CILK1: variants seen among roughly 807,000 people sequenced by gnomAD.
CILK1 encodes the protein serine/threonine-protein kinase ICK.
CILK1 carries 47 observed loss-of-function variants against 79.2 expected under a neutral mutation model. The ratio of observed to expected loss-of-function variants is 0.59; its 90% CI spans 0.47 to 0.76. CILK1 has a LOEUF of 0.76. Among genes scored for constraint, CILK1 ranks in the 30% least tolerant of loss-of-function variants. The pLI is 0.00. For missense variants in CILK1, 660 were observed against 769.5 expected (o/e 0.86, Z 1.68); for synonymous variants, 266 against 275.9 (o/e 0.96, Z 0.36).
At chr6:53,026,512 T>C (rs754161123) in intron 5 of CILK1, among the ~76,000 whole-genome samples, 2 of 152,210 alleles carry the variant, frequency 1.3e-5, no homozygotes, top group Non-Finnish European at 2.9e-5. Context: ...TTAACAGTAC[T>C]ACTATTAACA....
chr6:53,008,086 C>G (rs895086159), intron 12 of CILK1, among the ~76,000 whole-genome samples: 2 of 151,460 alleles, frequency 1.3e-5, no homozygotes, highest in African/African-American at 4.8e-5. Flanking sequence ...TTTCTAATAG[C>G]AAAAATTGCA....
intron 5 of CILK1, among the ~76,000 whole-genome samples, chr6:53,020,627 G>GA (rs1765172864): frequency 6.6e-6 from 1 of 152,092 alleles, no homozygotes; most frequent in South Asian, 2.1e-4. Context: ...TCCAAAATCT[G>GA]AAAAAATCCA....
At chr6:53,006,292 G>T in intron 13 of CILK1, 23 bp downstream of exon 13, 1 of 1,609,312 alleles carries the variant, frequency 6.2e-7, no homozygotes, top group Non-Finnish European at 8.5e-7. Context: ...GTAAATTCAT[G>T]AATAATTTAA....
chr6:53,041,291 C>T lies in CILK1; in HGVS notation c.-55G>A. 1 of 1,204,450 alleles carries T rather than the reference C, an allele frequency of 8.3e-7. No individual in the cohort carries two copies. The highest frequency in any genetic ancestry group is 1.2e-6 in the Non-Finnish European group (1 of 813,332). The allele number at this position is 1,204,450 out of a possible 1,614,324, so 74.6% of individuals were successfully genotyped here. On this transcript the variant is annotated 5_prime_UTR_variant, in exon 2 of 14. Coordinates refer to ENST00000676107, the MANE Select transcript of CILK1 (RefSeq NM_014920.5). ...TCACGGCCGAAGTGGTTCAGTTCTG[C>T]AGTGGTAGCAGTCCTCCCCAGAGTG... is the stretch of plus-strand genomic sequence containing the variant.
chr6:53,050,135 G>A (rs1037267864), intron 1 of CILK1, among the ~76,000 whole-genome samples: 1 of 152,120 alleles, frequency 6.6e-6, no homozygotes, highest in African/African-American at 2.4e-5. Context: ...CATCTACAGA[G>A]TCAGTGCTTC....
At chr6:53,022,435 G>T (rs1172745716) in intron 5 of CILK1, among the ~76,000 whole-genome samples, 2 of 152,094 alleles carry the variant, frequency 1.3e-5, no homozygotes, top group Non-Finnish European at 2.9e-5. Context: ...ATTGCCTATA[G>T]TATTCAGTAC....
rs969714735 is a variant in CILK1 at position 53,011,305 on chromosome 6, G to A, written c.1492+464C>T. On this transcript the variant is annotated intron_variant, in intron 11 of 13. Transcript: ENST00000676107. ...TTGGGTGACTATAAAAGATAAAAAT[G>A]TGAGGCCTGGGCCCAGGCACGGTGG... 4.6e-5 allele frequency among the ~76,000 whole-genome samples: 7 copies of A among 152,128 alleles called. No individual in the cohort carries two copies. In the East Asian group the frequency reaches 1.2e-3, roughly 25 times the overall value.
chr6:53,050,378 A>G (rs980020964), intron 1 of CILK1, among the ~76,000 whole-genome samples: 3 of 151,962 alleles, frequency 2.0e-5, no homozygotes, highest in African/African-American at 7.2e-5. Flanking sequence ...AAAAAAAAGA[A>G]GCCAACTATT....
chr6:53,056,444 A>C (rs1186744169), intron 1 of CILK1, among the ~76,000 whole-genome samples: 1 of 152,210 alleles, frequency 6.6e-6, no homozygotes, highest in Non-Finnish European at 1.5e-5. Context: ...ATGTAAATAC[A>C]TGGGCATGGC....
chr6:53,015,433 T>G (rs1764835569), intron 8 of CILK1, among the ~76,000 whole-genome samples: 1 of 152,218 alleles, frequency 6.6e-6, no homozygotes, highest in African/African-American at 2.4e-5. Context: ...TCCGGTCAGT[T>G]GGTTGAATTG....
intron 6 of CILK1, among the ~76,000 whole-genome samples, chr6:53,018,754 A>G (rs1419841398): frequency 6.6e-6 from 1 of 152,238 alleles, no homozygotes; most frequent in East Asian, 1.9e-4. Context: ...AGAAACACAG[A>G]GAAAGTAAGA....
At chr6:53,049,560 T>C (rs1000338737) in intron 1 of CILK1, among the ~76,000 whole-genome samples, 2 of 152,210 alleles carry the variant, frequency 1.3e-5, no homozygotes, top group East Asian at 3.8e-4. Context: ...AATCCAGTCA[T>C]GTGCCTGTAA....
At chr6:53,016,745 T>G (rs535760503) in intron 7 of CILK1, among the ~76,000 whole-genome samples, 20 of 152,362 alleles carry the variant, frequency 1.3e-4, no homozygotes, top group African/African-American at 4.6e-4. Flanking sequence ...TCACCCAGTC[T>G]CAAGCTTTCC....
chr6:53,050,638 C>G (rs2127464215), intron 1 of CILK1, among the ~76,000 whole-genome samples: 1 of 152,082 alleles, frequency 6.6e-6, no homozygotes, highest in Admixed American at 6.5e-5. Flanking sequence ...CCAGCCTGGG[C>G]AACAGGGCAA....
At chr6:53,047,590 C>T (rs979685045) in intron 1 of CILK1, among the ~76,000 whole-genome samples, 4 of 146,430 alleles carry the variant, frequency 2.7e-5, no homozygotes, top group East Asian at 2.0e-4. Context: ...GGATTACAGG[C>T]GTGAGTACAC....
intron 8 of CILK1, among the ~76,000 whole-genome samples, chr6:53,015,274 A>G (rs1764827380): frequency 6.6e-6 from 1 of 152,156 alleles, no homozygotes; most frequent in Non-Finnish European, 1.5e-5. Flanking sequence ...AACTACCACA[A>G]AAGGAGGCTT....
intron 11 of CILK1, among the ~76,000 whole-genome samples, chr6:53,010,465 A>C (rs1178494038): frequency 6.6e-6 from 1 of 151,732 alleles, no homozygotes; most frequent in Non-Finnish European, 1.5e-5. Flanking sequence ...CAACCACATC[A>C]CTCCTTCAGT....
chr6:53,052,727 T>G (rs1767568040), intron 1 of CILK1, among the ~76,000 whole-genome samples: 1 of 146,728 alleles, frequency 6.8e-6, no homozygotes, highest in African/African-American at 2.5e-5. Context: ...AGATTCTGTC[T>G]CAAAAAAAAA....
At chr6:53,028,992 T>C (rs146736176) in intron 5 of CILK1, among the ~76,000 whole-genome samples, 21 of 152,178 alleles carry the variant, frequency 1.4e-4, no homozygotes, top group African/African-American at 5.1e-4. Flanking sequence ...TTTGATTAGG[T>C]AGAGGCCTGG....
Sources: allele counts gnomAD v4.1 joint callset (sites outside exome capture counted in the v4.1 genomes callset), GRCh38; gene constraint gnomAD v4.1.1; transcripts MANE v1.5; gene names NCBI Gene and HGNC (gene_info 2026-07-23, HGNC 2026-07-21).